The following CTNNA1 variants were observed in gnomAD, a reference collection of about 807,000 sequenced individuals.
CTNNA1 encodes the protein catenin alpha 1.
In CTNNA1, 37 loss-of-function variants were observed where a neutral mutation model predicts 98.4. The ratio of observed to expected loss-of-function variants is 0.38; its 90% confidence interval spans 0.29 to 0.49. The LOEUF (loss-of-function observed/expected upper bound fraction) is 0.49. Among genes scored for constraint, CTNNA1 ranks in the 20% least tolerant of loss-of-function variants. The pLI, the probability that CTNNA1 is intolerant of heterozygous loss-of-function variation, is 0.95. For synonymous variants in CTNNA1, 404 were observed against 413.2 expected, an observed-to-expected ratio of 0.98 and a Z score of 0.27; for missense variants, 761 against 1,147.2, an observed-to-expected ratio of 0.66 and a Z score of 4.86.
chr5:138,826,627 G>A (rs933448416), intron 6 of CTNNA1, among the ~76,000 whole-genome samples: 5 of 152,092 alleles, frequency 3.3e-5, no homozygotes, highest in Non-Finnish European at 7.4e-5. Flanking sequence ...GAATACTAGA[G>A]GTCTTTGAGG....
intron 3 of CTNNA1, among the ~76,000 whole-genome samples, chr5:138,785,362 A>G (rs983410387): frequency 6.6e-6 from 1 of 151,674 alleles, no homozygotes; most frequent in East Asian, 1.9e-4. Flanking sequence ...CGCCCGGCCT[A>G]ATTTATTTTA....
chr5:138,807,802 C>T (rs1253513099), intron 3 of CTNNA1, among the ~76,000 whole-genome samples: 1 of 152,094 alleles, frequency 6.6e-6, no homozygotes, highest in Non-Finnish European at 1.5e-5. Flanking sequence ...GGCTGGAGTG[C>T]AGTGGCGTGT....
At chr5:138,791,615 C>CAA (rs1181055311) in intron 3 of CTNNA1, among the ~76,000 whole-genome samples, 1,140 of 40,272 alleles carry the variant, frequency 0.028, 297 homozygotes, top group African/African-American at 0.085. Context: ...GACTCCGTCT[C>CAA]AAAAAAAAAA....
At chr5:138,906,242 C>G (rs2150152853) in intron 10 of CTNNA1, among the ~76,000 whole-genome samples, 1 of 152,084 alleles carries the variant, frequency 6.6e-6, no homozygotes, top group Non-Finnish European at 1.5e-5. Context: ...AGACATTTTC[C>G]CAGTGTTAGT....
At chr5:138,917,689 C>A in intron 10 of CTNNA1, 53 bp from the exon 11 acceptor site, 2 of 1,585,940 alleles carry the variant, frequency 1.3e-6, no homozygotes, top group Non-Finnish European at 8.6e-7. Flanking sequence ...GCATGTAAGA[C>A]AAAGCCATGA....
At chr5:138,818,281 T>G (rs7714455) in intron 5 of CTNNA1, among the ~76,000 whole-genome samples, 101,885 of 148,936 alleles carry the variant, frequency 0.68, 34,953 homozygotes, top group East Asian at 0.87. Flanking sequence ...TTTTTTTTTT[T>G]GGGAGCGGGG....
intron 9 of CTNNA1, among the ~76,000 whole-genome samples, chr5:138,899,604 C>CTGAG (rs2150112544): frequency 6.6e-6 from 1 of 152,316 alleles, no homozygotes; most frequent in African/African-American, 2.4e-5. Context: ...AGTCTCTGAT[C>CTGAG]TGAGTCATCT....
intron 1 of CTNNA1, among the ~76,000 whole-genome samples, chr5:138,775,476 G>A (rs2149619345): frequency 6.6e-6 from 1 of 152,088 alleles, no homozygotes; most frequent in East Asian, 1.9e-4. Context: ...ACCAGATTAG[G>A]CAAATGCAGG....
At chr5:138,763,755 T>G (rs1052300628) in intron 1 of CTNNA1, among the ~76,000 whole-genome samples, 1 of 152,240 alleles carries the variant, frequency 6.6e-6, no homozygotes, top group Non-Finnish European at 1.5e-5. Flanking sequence ...ACAGTGTTTG[T>G]GGGTTTTATA....
At chr5:138,810,256 A>T (rs371676909) in intron 4 of CTNNA1, 52 bp downstream of exon 4, 2 of 1,578,790 alleles carry the variant, frequency 1.3e-6, no homozygotes, top group Admixed American at 3.4e-5. Context: ...GAAGATTGCT[A>T]CTGGCCTTCC....
chr5:138,887,088 C>CT (rs1187493668), intron 8 of CTNNA1, among the ~76,000 whole-genome samples: 2 of 152,028 alleles, frequency 1.3e-5, no homozygotes, highest in Non-Finnish European at 1.5e-5. Context: ...CCAGATAACT[C>CT]TTTTTTCTCT....
At chr5:138,769,731 C>A (rs1037467008) in intron 1 of CTNNA1, among the ~76,000 whole-genome samples, 1 of 151,898 alleles carries the variant, frequency 6.6e-6, no homozygotes, top group Non-Finnish European at 1.5e-5. Flanking sequence ...CAGGGTTTCT[C>A]CCTGTTGATC....
intron 3 of CTNNA1, among the ~76,000 whole-genome samples, chr5:138,783,824 A>T (rs972135508): frequency 2.0e-5 from 3 of 152,226 alleles, no homozygotes; most frequent in Non-Finnish European, 4.4e-5. Flanking sequence ...ACCTACTCTG[A>T]AAATACTCTA....
intron 7 of CTNNA1, among the ~76,000 whole-genome samples, chr5:138,852,411 A>G (rs973256274): frequency 1.7e-5 from 2 of 119,018 alleles, no homozygotes; most frequent in Non-Finnish European, 3.2e-5. Context: ...TCTCTGTTAT[A>G]CATTATTTTC....
In CTNNA1 at chr5:138,874,668, A is replaced by G. The variant is rs1446493984; in HGVS notation, c.1063-11544A>G. On this transcript the variant is annotated intron_variant, in intron 7 of 17. Transcript: ENST00000302763. The surrounding 1 kb of genome is among the most constrained non-coding windows in gnomAD (Gnocchi z 4.1). ...ACATTATAGCAAAAGATTTCACTGC[A>G]TATAACTTATTTTTCATTTACTGCA... 8.3e-5 allele frequency: 64 copies of G among 770,424 alleles called. 1 individual carries two copies. The South Asian group carries it at 1.2e-3, about 15-fold the overall frequency. 47.7% of individuals were successfully genotyped at this position (770,424 alleles called of 1,614,324 possible). A position where few individuals can be genotyped will look rare whatever the true frequency, so the allele number is the denominator to read the frequency against.
At chr5:138,785,297 G>A (rs1406646098) in intron 3 of CTNNA1, among the ~76,000 whole-genome samples, 4 of 151,766 alleles carry the variant, frequency 2.6e-5, no homozygotes, top group East Asian at 1.9e-4. Flanking sequence ...TCCTGACCTC[G>A]TGATCCGCCC....
At chr5:138,860,033 G>A (rs1764114618) in intron 7 of CTNNA1, among the ~76,000 whole-genome samples, 1 of 152,064 alleles carries the variant, frequency 6.6e-6, no homozygotes. Flanking sequence ...TGTGTTTAAA[G>A]ATTGTGTGTG....
Position 138,753,439 on chromosome 5 carries a change from A to T in CTNNA1, c.-74A>T. The T allele has an allele frequency of 2.7e-6, 1 of 369,970 alleles. No homozygotes were observed. The highest frequency in any genetic ancestry group is 4.8e-6 in the Non-Finnish European group (1 of 208,590). 22.9% of individuals were successfully genotyped at this position (369,970 alleles called of 1,614,324 possible). ...CGGCCCATTTCCTCCTCCTAGCCGG[A>T]CTGGAGGGAGACAAAGCAGCGCCCG... is the stretch of plus-strand genomic sequence containing the variant. On this transcript the variant is annotated 5_prime_UTR_variant, in exon 1 of 18. Transcript: ENST00000302763.
At chr5:138,908,127 G>A (rs536921074) in intron 10 of CTNNA1, among the ~76,000 whole-genome samples, 1 of 152,242 alleles carries the variant, frequency 6.6e-6, no homozygotes, top group African/African-American at 2.4e-5. Context: ...ACAGGTGCCT[G>A]CCACCACGCC....
Sources: gnomAD v4.1 joint callset for allele counts (sites outside exome capture counted in the v4.1 genomes callset) on GRCh38, gnomAD v4.1.1 for gene constraint, Gnocchi (gnomAD v3.1) non-coding constraint, MANE v1.5 for transcripts, NCBI Gene and HGNC (gene_info 2026-07-23, HGNC 2026-07-21) for gene names.